Variants in FGF12 observed in about 807,000 individuals in gnomAD.
The protein encoded by FGF12 is fibroblast growth factor 12.
In FGF12, 14 loss-of-function variants were observed where a neutral mutation model predicts 23.6. The observed-to-expected ratio is 0.59, with a 90% CI of 0.39 to 0.93. The LOEUF (loss-of-function observed/expected upper bound fraction) is 0.93, where lower values mean the gene tolerates loss of function less well. Among genes scored for constraint, FGF12 ranks in the 40% least tolerant of loss-of-function variants. The pLI, the probability that FGF12 is intolerant of heterozygous loss-of-function variation, is 0.00. For missense variants in FGF12, 175 were observed against 217.8 expected, an observed-to-expected ratio of 0.80 and a Z score of 1.24; for synonymous variants, 62 against 77.3, an observed-to-expected ratio of 0.80 and a Z score of 1.04.
chr3:192,576,081 T>A (rs1353725050), intron 2 of FGF12, among the ~76,000 whole-genome samples: 4 of 152,194 alleles, frequency 2.6e-5, no homozygotes, highest in Non-Finnish European at 5.9e-5. Context: ...GAGTTGGGGT[T>A]AAACATTAAC....
At chr3:192,315,568 G>A (rs1412066690) in intron 4 of FGF12, among the ~76,000 whole-genome samples, 3 of 152,108 alleles carry the variant, frequency 2.0e-5, no homozygotes, top group Non-Finnish European at 4.4e-5. Context: ...ATGCCCAGAA[G>A]TTGAAAAACC....
intron 2 of FGF12, among the ~76,000 whole-genome samples, chr3:192,510,018 G>A (rs1056340705): frequency 1.1e-4 from 16 of 152,096 alleles, no homozygotes; most frequent in Non-Finnish European, 1.9e-4. Context: ...GTCATACGGC[G>A]GGGCTCTTCA....
chr3:192,603,628 G>A (rs1714211331), intron 2 of FGF12, among the ~76,000 whole-genome samples: 1 of 152,114 alleles, frequency 6.6e-6, no homozygotes, highest in Non-Finnish European at 1.5e-5. Flanking sequence ...ATGCCCACCT[G>A]AGCCTCAAAA....
chr3:192,522,579 C>G (rs938449366), intron 2 of FGF12, among the ~76,000 whole-genome samples: 4 of 152,114 alleles, frequency 2.6e-5, no homozygotes, highest in Non-Finnish European at 4.4e-5. Context: ...CCAATTCCCC[C>G]TTTGGCAAAT....
At position 192,595,777 on chromosome 3, in the gene FGF12, A is replaced by G. The variant is rs1713816124; in HGVS notation, c.13+131404T>C. Among the ~76,000 whole-genome samples, 3 of 152,196 alleles carry G rather than the reference A, an allele frequency of 2.0e-5. No individual in the cohort carries two copies. The South Asian group carries it at 6.2e-4, about 31-fold the overall frequency. On this transcript the variant is annotated intron_variant, in intron 2 of 5. Coordinates refer to ENST00000445105, the MANE Select transcript of FGF12 (RefSeq NM_004113.6). ...CAATTTGACAAGTTGAATGCAAGAC[A>G]TAGTAAAGTAAGACTTATTTTTAAA...
Position 192,565,269 on chromosome 3 carries a change from G to A in FGF12, c.13+161912C>T, listed in dbSNP as rs2047857. On this transcript the variant is annotated intron_variant, in intron 2 of 5. Transcript: ENST00000445105. ...CTACAACTTAAAAGTGATAGGTGAAGTTGAAGATGCTAAGACAAATCAAAT... is the reference window on the plus strand; with the variant it reads ...CTACAACTTAAAAGTGATAGGTGAAATTGAAGATGCTAAGACAAATCAAAT... Among the ~76,000 whole-genome samples, 162 of 152,346 alleles carry A rather than the reference G, an allele frequency of 1.1e-3. 3 individuals are homozygous for A. The East Asian group carries it at 0.018, about 17-fold the overall frequency.
intron 4 of FGF12, among the ~76,000 whole-genome samples, chr3:192,190,045 A>C (rs890496001): frequency 5.3e-5 from 8 of 152,242 alleles, no homozygotes; most frequent in African/African-American, 1.4e-4. Context: ...GCATGGAAGC[A>C]CTTAAGGTAT....
intron 2 of FGF12, among the ~76,000 whole-genome samples, chr3:192,516,323 C>A (rs1280717287): frequency 2.6e-5 from 4 of 152,154 alleles, no homozygotes; most frequent in Non-Finnish European, 5.9e-5. Context: ...TAATTCATTG[C>A]ACGAAAACTG....
chr3:192,413,440 A>T (rs1721257964), intron 2 of FGF12, among the ~76,000 whole-genome samples: 1 of 152,216 alleles, frequency 6.6e-6, no homozygotes, highest in Non-Finnish European at 1.5e-5. Context: ...ACATAATAAT[A>T]CTAGCAGTAC....
chr3:192,239,786 T>C (rs928842365), intron 4 of FGF12, among the ~76,000 whole-genome samples: 14 of 152,124 alleles, frequency 9.2e-5, no homozygotes, highest in African/African-American at 2.2e-4. Context: ...TGTGGAAAAA[T>C]TGCGTTCCAA....
rs567771169 is a variant in FGF12, at chr3:192,508,951, A to G, written c.14-148413T>C. ...CTGAAACAAACTGAGACTCCTAATTACTTCATTTTGGCACTTTGGCCTTGT... is the reference window on the plus strand; with the variant it reads ...CTGAAACAAACTGAGACTCCTAATTGCTTCATTTTGGCACTTTGGCCTTGT... On this transcript the variant is annotated intron_variant, in intron 2 of 5. Coordinates refer to ENST00000445105, the MANE Select transcript of FGF12 (RefSeq NM_004113.6). Among the ~76,000 whole-genome samples the G allele has an allele frequency of 5.5e-4, 83 of 152,222 alleles. 1 individual carries two copies. The highest frequency in any genetic ancestry group is 8.7e-4 in the Non-Finnish European group (59 of 68,008).
At chr3:192,547,433 C>T (rs950589082) in intron 2 of FGF12, among the ~76,000 whole-genome samples, 3 of 152,186 alleles carry the variant, frequency 2.0e-5, no homozygotes, top group African/African-American at 7.2e-5. Flanking sequence ...TCTGCTTCTG[C>T]AATAAACTCC....
At chr3:192,609,449 T>G (rs1997439) in intron 2 of FGF12, among the ~76,000 whole-genome samples, 111,527 of 152,020 alleles carry the variant, frequency 0.73, 41,252 homozygotes, top group East Asian at 0.98. Flanking sequence ...ATGGAAAAGA[T>G]ATATTGCCTT....
chr3:192,265,780 A>C (rs889231071), intron 4 of FGF12, among the ~76,000 whole-genome samples: 1 of 152,114 alleles, frequency 6.6e-6, no homozygotes, highest in Non-Finnish European at 1.5e-5. Context: ...TAAAAAGCCT[A>C]CAATATTTAC....
At chr3:192,668,931 T>G (rs1403408315) in intron 2 of FGF12, among the ~76,000 whole-genome samples, 1 of 152,054 alleles carries the variant, frequency 6.6e-6, no homozygotes, top group Non-Finnish European at 1.5e-5. Flanking sequence ...ATAACCATGA[T>G]AAGAATTGAA....
chr3:192,223,894 A>C (rs913416288), intron 4 of FGF12, among the ~76,000 whole-genome samples: 1 of 152,144 alleles, frequency 6.6e-6, no homozygotes, highest in African/African-American at 2.4e-5. Context: ...TCTCCTGCCT[A>C]ATGTAATAAA....
At chr3:192,159,205 A>G (rs766571769) in intron 5 of FGF12, among the ~76,000 whole-genome samples, 20 of 152,066 alleles carry the variant, frequency 1.3e-4, no homozygotes, top group Non-Finnish European at 2.9e-4. Flanking sequence ...ATTCAGACTT[A>G]TTTCTCACTG....
intron 4 of FGF12, among the ~76,000 whole-genome samples, chr3:192,233,281 T>A (rs1229789255): frequency 6.6e-6 from 1 of 152,152 alleles, no homozygotes; most frequent in Non-Finnish European, 1.5e-5. Flanking sequence ...TTGTGGTTTT[T>A]ATTTACATTT....
At chr3:192,352,151 T>G (rs1219374413) in intron 3 of FGF12, among the ~76,000 whole-genome samples, 1 of 152,206 alleles carries the variant, frequency 6.6e-6, no homozygotes, top group Non-Finnish European at 1.5e-5. Flanking sequence ...TTTCACACAT[T>G]GTTTAAGATG....
Sources: gnomAD v4.1 joint callset for allele counts (sites outside exome capture counted in the v4.1 genomes callset) on GRCh38, gnomAD v4.1.1 for gene constraint, MANE v1.5 for transcripts, NCBI Gene and HGNC (gene_info 2026-07-23, HGNC 2026-07-21) for gene names.